SULF1: variants seen among roughly 807,000 people sequenced by gnomAD.
SULF1 encodes the protein extracellular sulfatase Sulf-1.
Under a neutral mutation model 110.5 loss-of-function variants are expected in SULF1, and 46 were observed. The observed-to-expected ratio is 0.42, with a 90% CI of 0.33 to 0.53. SULF1 has a LOEUF of 0.53. Among genes scored for constraint, SULF1 ranks in the 20% least tolerant of loss-of-function variants. SULF1 has a pLI of 0.12. For synonymous variants in SULF1, 371 were observed against 387.1 expected (o/e 0.96, Z 0.49); for missense variants, 941 against 1,094.2 (o/e 0.86, Z 1.98).
intron 3 of SULF1, among the ~76,000 whole-genome samples, chr8:69,523,750 G>T (rs1586299121): frequency 6.6e-6 from 1 of 152,076 alleles, no homozygotes; most frequent in East Asian, 1.9e-4. Flanking sequence ...GGAGGATCAA[G>T]GATTGAAGAG....
At chr8:69,554,576 A>G (rs916825361) in intron 3 of SULF1, among the ~76,000 whole-genome samples, 10 of 152,174 alleles carry the variant, frequency 6.6e-5, no homozygotes, top group Non-Finnish European at 1.3e-4. Context: ...AAGACACTAC[A>G]GGTTCATTAT....
chr8:69,471,012 C>T (rs1017054091), intron 1 of SULF1, among the ~76,000 whole-genome samples: 9 of 152,168 alleles, frequency 5.9e-5, no homozygotes, highest in Admixed American at 5.2e-4. Context: ...ATGCCCCACT[C>T]AGTTCATCCT....
chr8:69,525,610 A>C (rs1812604148), intron 3 of SULF1, among the ~76,000 whole-genome samples: 1 of 152,188 alleles, frequency 6.6e-6, no homozygotes, highest in Non-Finnish European at 1.5e-5. Context: ...CAATATAATA[A>C]AAATTGCAAT....
At chr8:69,591,093 C>T (rs1004747163) in intron 8 of SULF1, among the ~76,000 whole-genome samples, 1 of 152,114 alleles carries the variant, frequency 6.6e-6, no homozygotes, top group Non-Finnish European at 1.5e-5. Context: ...TGTTTTGTGG[C>T]TCCTTAAAAG....
chr8:69,600,482 G>C lies in SULF1; in HGVS notation c.735-121G>C, dbSNP rs1220837548. 5.3e-6 allele frequency: 5 copies of C among 941,974 alleles called. No homozygotes were observed. The African/African-American group carries it at 8.2e-5, about 16-fold the overall frequency. The allele number at this position is 941,974 out of a possible 1,614,324, so 58.4% of individuals were successfully genotyped here. On this transcript the variant is annotated intron_variant, in intron 8 of 22. Transcript: ENST00000402687. ...ATGCAAACAGAAGATAGTTGGAAGAGGAAAATGTTTTAGCAGTGTCTCAAT... is the reference window on the plus strand; with the variant it reads ...ATGCAAACAGAAGATAGTTGGAAGACGAAAATGTTTTAGCAGTGTCTCAAT...
intron 2 of SULF1, among the ~76,000 whole-genome samples, chr8:69,499,548 G>A (rs1293141475): frequency 2.0e-5 from 3 of 152,176 alleles, no homozygotes; most frequent in Non-Finnish European, 2.9e-5. Context: ...CCTCTGGGGT[G>A]GAGATTTTGG....
intron 3 of SULF1, among the ~76,000 whole-genome samples, chr8:69,526,680 A>C (rs1471496709): frequency 6.6e-6 from 1 of 151,884 alleles, no homozygotes; most frequent in Non-Finnish European, 1.5e-5. Flanking sequence ...AGTCCCAGCT[A>C]CTTGGGAGGC....
intron 6 of SULF1, among the ~76,000 whole-genome samples, chr8:69,577,130 C>A (rs1805663920): frequency 6.6e-6 from 1 of 152,218 alleles, no homozygotes; most frequent in Admixed American, 6.5e-5. Flanking sequence ...TCGCAGACAG[C>A]TCAAAGTCTC....
At chr8:69,583,218 T>G (rs1234504799) in intron 6 of SULF1, among the ~76,000 whole-genome samples, 2 of 152,112 alleles carry the variant, frequency 1.3e-5, no homozygotes, top group Non-Finnish European at 2.9e-5. Flanking sequence ...TTTTAGAAAC[T>G]CTAAAGCTCT....
At chr8:69,617,153 T>G (rs1809213531) in intron 13 of SULF1, among the ~76,000 whole-genome samples, 1 of 151,708 alleles carries the variant, frequency 6.6e-6, no homozygotes, top group South Asian at 2.1e-4. Flanking sequence ...CAGCAATAAT[T>G]CTATATAGCA....
At chr8:69,467,269 AT>A (rs1444782312) in intron 1 of SULF1, among the ~76,000 whole-genome samples, 3 of 152,190 alleles carry the variant, frequency 2.0e-5, no homozygotes, top group African/African-American at 7.2e-5. Flanking sequence ...CTGAGAAAGG[AT>A]TTATTTTAGC....
At chr8:69,553,584 C>T (rs1047483743) in intron 3 of SULF1, among the ~76,000 whole-genome samples, 2 of 152,126 alleles carry the variant, frequency 1.3e-5, no homozygotes, top group Non-Finnish European at 2.9e-5. Context: ...TTCACCATAG[C>T]GAGCCAAGGG....
rs770976391 is a variant in SULF1, at chr8:69,627,820, C to T, written c.1996C>T (p.His666Tyr). Residue 666 changes from histidine to tyrosine, a missense_variant, in exon 17 of 23, where the codon CAT becomes TAT. Physicochemically the swap from His to Tyr is moderately conservative, Grantham distance 83. Transcript: ENST00000402687. The stretch of plus-strand genomic sequence containing the variant: ...TAAGAATTTAAGAGAAGTGAGAGGA[C>T]ATCTGAAGAGAAGGAAGCCTGAGGA... ...KIKNLREVRG[H>Y]LKRRKPEECS... 3.7e-6 allele frequency: 6 copies of T among 1,613,376 alleles called. No homozygotes were observed. Among genetic ancestry groups the T allele is most frequent in the Non-Finnish European group, 5.1e-6 (6 of 1,179,788 alleles).
intron 3 of SULF1, among the ~76,000 whole-genome samples, chr8:69,528,840 T>C (rs940960395): frequency 6.6e-6 from 1 of 152,190 alleles, no homozygotes; most frequent in Non-Finnish European, 1.5e-5. Flanking sequence ...TAGTTCCCTG[T>C]CTGTTTTAGG....
intron 21 of SULF1, 82 bp downstream of exon 21, chr8:69,638,940 T>A: frequency 7.4e-7 from 1 of 1,343,846 alleles, no homozygotes; most frequent in Non-Finnish European, 1.0e-6. Context: ...AAACATTTAA[T>A]TGCACAGAAA....
chr8:69,509,026 T>C (rs996138611), intron 3 of SULF1, among the ~76,000 whole-genome samples: 3 of 152,236 alleles, frequency 2.0e-5, no homozygotes, highest in Non-Finnish European at 4.4e-5. Context: ...ATTTACTCTA[T>C]AATTTCCTAC....
In SULF1 at chr8:69,586,372, A is replaced by G; in HGVS notation, c.428A>G (p.Tyr143Cys). ...TGYRTAFFGK[Y>C]LNEYNGSYIP... ...CCCACTGCAGCCTTTTTTGGAAAAT[A>G]CCTCAATGAATATAATGGCAGCTAC... The change falls in exon 7 of 23, where the codon TAC becomes TGC. Residue 143 changes from tyrosine (Y) to cysteine (C), a missense_variant. Physicochemically the swap from Tyr to Cys is radical, Grantham distance 194. This residue lies in a region of SULF1 where 822 missense variants were observed against 934.3 expected (regional missense o/e 0.88). Coordinates refer to ENST00000402687, the MANE Select transcript of SULF1 (RefSeq NM_001128205.2). The G allele has an allele frequency of 6.4e-7, 1 of 1,567,174 alleles. No homozygotes were observed. Among genetic ancestry groups the G allele is most frequent in the Non-Finnish European group, 8.6e-7 (1 of 1,161,978 alleles).
intron 5 of SULF1, among the ~76,000 whole-genome samples, chr8:69,566,617 G>A (rs1161172112): frequency 6.6e-6 from 1 of 152,194 alleles, no homozygotes; most frequent in African/African-American, 2.4e-5. Flanking sequence ...TCGGGAGGCT[G>A]AGGCAGGCGG....
chr8:69,603,003 T>C (rs1807950619), intron 10 of SULF1, among the ~76,000 whole-genome samples, 189 bp from the exon 11 acceptor site: 1 of 152,050 alleles, frequency 6.6e-6, no homozygotes, highest in South Asian at 2.1e-4. Flanking sequence ...CAAGAGTCAG[T>C]TAATCTTGCT....
Sources: gnomAD v4.1 joint callset for allele counts (sites outside exome capture counted in the v4.1 genomes callset) on GRCh38, gnomAD v4.1.1 for gene constraint, gnomAD v4.1.1 regional missense constraint, MANE v1.5 for transcripts, NCBI Gene and HGNC (gene_info 2026-07-23, HGNC 2026-07-21) for gene names.